The following GIPC2 variants were observed in gnomAD, a reference collection of about 807,000 sequenced individuals.
GIPC2 encodes the protein PDZ domain-containing protein GIPC2.
A neutral mutation model predicts 30.6 loss-of-function variants in GIPC2; 30 were observed. The ratio of observed to expected loss-of-function variants is 0.98; its 90% CI spans 0.73 to 1.33. GIPC2 has a LOEUF of 1.33. Among genes scored for constraint, GIPC2 ranks in the 40% most tolerant of loss-of-function variants. The pLI is 0.00. For missense variants in GIPC2, 414 were observed against 390.3 expected (o/e 1.06, Z -0.51); for synonymous variants, 167 against 150.0 (o/e 1.11, Z -0.83).
intron 5 of GIPC2, among the ~76,000 whole-genome samples, chr1:78,133,068 C>T (rs894428642): frequency 6.6e-6 from 1 of 152,196 alleles, no homozygotes; most frequent in African/African-American, 2.4e-5. Flanking sequence ...TTCTGGACTT[C>T]ACTTTCCCCA....
chr1:78,066,761 C>T (rs1661520302), intron 1 of GIPC2, among the ~76,000 whole-genome samples: 1 of 152,144 alleles, frequency 6.6e-6, no homozygotes, highest in Non-Finnish European at 1.5e-5. Flanking sequence ...AGGTTATTAT[C>T]CTTAGCAAAC....
At chr1:78,084,153 C>T (rs1232028913) in intron 2 of GIPC2, among the ~76,000 whole-genome samples, 1 of 152,178 alleles carries the variant, frequency 6.6e-6, no homozygotes, top group East Asian at 1.9e-4. Flanking sequence ...TGTGCTCATA[C>T]ATTGCTATTG....
At position 78,137,876 on chromosome 1, in the gene GIPC2, CAT is replaced by C. The variant is rs1289914419; in HGVS notation, c.*2135_*2136del. ...AAAGCGTCTGTTTTTAGTGCAGTCA[CAT>C]AATATATAAGTGTGGGATACCCTTC... On this transcript the variant is annotated 3_prime_UTR_variant, in exon 6 of 6. Coordinates refer to ENST00000370759, the MANE Select transcript of GIPC2 (RefSeq NM_017655.6). 2 of 152,114 alleles carry C rather than the reference CAT, an allele frequency of 1.3e-5. No individual in the cohort carries two copies. Among genetic ancestry groups the C allele is most frequent in the Non-Finnish European group, 2.9e-5 (2 of 68,020 alleles). The allele number at this position is 152,114 out of a possible 1,614,324, so 9.4% of individuals were successfully genotyped here.
intron 1 of GIPC2, among the ~76,000 whole-genome samples, chr1:78,074,848 T>C (rs192661016): frequency 1.5e-4 from 23 of 152,290 alleles, no homozygotes; most frequent in African/African-American, 4.8e-4. Flanking sequence ...CCATAATACC[T>C]CAGCGTATTA....
intron 3 of GIPC2, among the ~76,000 whole-genome samples, chr1:78,104,804 A>G (rs147713898): frequency 6.6e-6 from 1 of 152,120 alleles, no homozygotes; most frequent in Non-Finnish European, 1.5e-5. Flanking sequence ...ATAAAAGTTC[A>G]GTTTCAGGTG....
Position 78,133,786 on chromosome 1 carries a change from G to A in GIPC2, c.797-1806G>A, listed in dbSNP as rs973598545. On this transcript the variant is annotated intron_variant, in intron 5 of 5. Transcript: ENST00000370759. ...TGTGTGTGTGTGTGTGTGTGTGTGT[G>A]TGTATGTATGTATTATGGATTCATG... Among the ~76,000 whole-genome samples the A allele has an allele frequency of 1.5e-3, 169 of 112,448 alleles. 1 individual carries two copies. The highest frequency in any genetic ancestry group is 4.6e-3 in the African/African-American group (154 of 33,672). 73.8% of individuals were successfully genotyped at this position (112,448 alleles called of 152,430 possible).
chr1:78,130,783 C>CAAGATTTTTAACCGTA (rs1346586155), intron 5 of GIPC2, among the ~76,000 whole-genome samples: 1 of 152,000 alleles, frequency 6.6e-6, no homozygotes, highest in Non-Finnish European at 1.5e-5. Flanking sequence ...ACTTTGATAC[C>CAAGATTTTTAACCGTA]AAGATTTTTA....
Position 78,138,372 on chromosome 1 carries a change from A to C in GIPC2, c.*2629A>C, listed in dbSNP as rs1294732776. ...GACTGAAAATTAACTAAAGAGAGAT[A>C]ATTTTTCAAATGATGTATAATTTGC... is the stretch of plus-strand genomic sequence containing the variant. On this transcript the variant is annotated 3_prime_UTR_variant, in exon 6 of 6. Transcript: ENST00000370759. 6.6e-6 allele frequency: 1 copy of C among 152,240 alleles called. No homozygotes were observed. The highest frequency in any genetic ancestry group is 1.5e-5 in the Non-Finnish European group (1 of 68,046). 9.4% of individuals were successfully genotyped at this position (152,240 alleles called of 1,614,324 possible).
rs1441836119 is a variant in GIPC2 at position 78,135,858 on chromosome 1, G to A, written c.*115G>A. 2 of 774,276 alleles carry A rather than the reference G, an allele frequency of 2.6e-6. No individual in the cohort carries two copies. The highest frequency in any genetic ancestry group is 2.1e-6 in the Non-Finnish European group (1 of 483,380). The allele number at this position is 774,276 out of a possible 1,614,324, so 48.0% of individuals were successfully genotyped here. A position where few individuals can be genotyped will look rare whatever the true frequency, so the allele number is the denominator to read the frequency against. On this transcript the variant is annotated 3_prime_UTR_variant, in exon 6 of 6. Coordinates refer to ENST00000370759, the MANE Select transcript of GIPC2 (RefSeq NM_017655.6). The stretch of plus-strand genomic sequence containing the variant: ...TACTAACTCTGGTTTAATTTCATGT[G>A]TATGGAATATATTCTTTGAAATATA...
intron 3 of GIPC2, among the ~76,000 whole-genome samples, chr1:78,109,122 A>G (rs1248859711): frequency 6.6e-6 from 1 of 152,226 alleles, no homozygotes; most frequent in Non-Finnish European, 1.5e-5. Flanking sequence ...GGTGGTCAGC[A>G]ACTGCTGGGA....
intron 1 of GIPC2, among the ~76,000 whole-genome samples, chr1:78,059,710 G>C (rs991684693): frequency 2.0e-5 from 3 of 152,130 alleles, no homozygotes; most frequent in African/African-American, 7.2e-5. Flanking sequence ...GGTTGAGGCT[G>C]CAGTGAGCCA....
upstream of GIPC2, chr1:78,045,909 G>A: frequency 7.4e-7 from 1 of 1,342,454 alleles, no homozygotes; most frequent in Non-Finnish European, 9.5e-7. Context: ...GAGGCTGGGC[G>A]GGCGGGCGGC....
intron 3 of GIPC2, among the ~76,000 whole-genome samples, chr1:78,114,463 A>C (rs534826404): frequency 1.2e-4 from 18 of 152,282 alleles, no homozygotes; most frequent in Admixed American, 2.0e-4. Context: ...TTTTGTCTAT[A>C]AACAGATTGA....
chr1:78,117,360 T>C (rs1026144399), intron 3 of GIPC2, among the ~76,000 whole-genome samples: 8 of 152,066 alleles, frequency 5.3e-5, no homozygotes, highest in African/African-American at 1.9e-4. Flanking sequence ...AGTGCAGGGG[T>C]CCCCAACCTT....
At chr1:78,105,060 T>C (rs1396219104) in intron 3 of GIPC2, among the ~76,000 whole-genome samples, 1 of 152,136 alleles carries the variant, frequency 6.6e-6, no homozygotes, top group African/African-American at 2.4e-5. Flanking sequence ...GTTAGACAAG[T>C]GCTGAGTGTA....
intron 4 of GIPC2, among the ~76,000 whole-genome samples, chr1:78,120,850 A>G (rs940306363): frequency 6.6e-6 from 1 of 152,174 alleles, no homozygotes; most frequent in South Asian, 2.1e-4. Flanking sequence ...GGGAGCTACA[A>G]TTCAAGATGA....
At position 78,046,117 on chromosome 1, in the gene GIPC2, A is replaced by G. The variant is rs1185883677; in HGVS notation, c.23A>G (p.Lys8Arg). MPLKLRG[K>R]KKAKSKETAG... The stretch of plus-strand genomic sequence containing the variant: ...AAGATGCCCCTGAAGCTGCGGGGGA[A>G]GAAGAAGGCCAAGTCCAAGGAGACC... Residue 8 changes from lysine (K) to arginine (R), a missense_variant, in exon 1 of 6, where the codon AAG becomes AGG. By Grantham distance (26) the Lys-to-Arg change is conservative. Coordinates refer to ENST00000370759, the MANE Select transcript of GIPC2 (RefSeq NM_017655.6). 4 of 1,484,042 alleles carry G rather than the reference A, an allele frequency of 2.7e-6. No individual in the cohort carries two copies. Among genetic ancestry groups the G allele is most frequent in the Middle Eastern group, 2.1e-4 (1 of 4,722 alleles). The allele number at this position is 1,484,042 out of a possible 1,614,324, so 91.9% of individuals were successfully genotyped here.
rs1662987807 is a variant in GIPC2, at chr1:78,135,684, G to A, written c.889G>A (p.Asp297Asn). 2 of 1,613,612 alleles carry A rather than the reference G, an allele frequency of 1.2e-6. No individual in the cohort carries two copies. The highest frequency in any genetic ancestry group is 1.7e-4 in the Middle Eastern group (1 of 6,058). ...DETLGDFAFP[D>N]EFVFDVWGVI... ...AACTCTTGGAGACTTTGCGTTCCCAGACGAATTTGTCTTTGATGTTTGGGG... is the reference window on the plus strand; with the variant it reads ...AACTCTTGGAGACTTTGCGTTCCCAAACGAATTTGTCTTTGATGTTTGGGG... Residue 297 changes from aspartate to asparagine, a missense_variant, in exon 6 of 6, where the codon GAC (aspartate) becomes AAC (asparagine). Transcript: ENST00000370759.
At chr1:78,073,135 A>G (rs1325519789) in intron 1 of GIPC2, among the ~76,000 whole-genome samples, 5 of 131,840 alleles carry the variant, frequency 3.8e-5, no homozygotes, top group East Asian at 2.3e-4. Context: ...ACAGAGTATC[A>G]CTCTGTTGCC....
Sources: gnomAD v4.1 joint callset for allele counts (sites outside exome capture counted in the v4.1 genomes callset) on GRCh38, gnomAD v4.1.1 for gene constraint, MANE v1.5 for transcripts, NCBI Gene and HGNC (gene_info 2026-07-23, HGNC 2026-07-21) for gene names.